The following FBXL7 variants were observed in gnomAD, a reference collection of about 807,000 sequenced individuals.
FBXL7 encodes F-box/LRR-repeat protein 7.
In FBXL7, 12 loss-of-function variants were observed where a neutral mutation model predicts 38.3. The ratio of observed to expected loss-of-function variants is 0.31; its 90% CI spans 0.20 to 0.51. The LOEUF is 0.51. Ranked by LOEUF, FBXL7 falls within the 20% of genes least tolerant of loss-of-function variation. The pLI, the probability that FBXL7 is intolerant of heterozygous loss-of-function variation, is 0.98. For synonymous variants in FBXL7, 297 were observed against 300.9 expected (o/e 0.99, Z 0.13); for missense variants, 567 against 676.4 (o/e 0.84, Z 1.79).
intron 1 of FBXL7, among the ~76,000 whole-genome samples, chr5:15,536,840 G>A (rs1030783295): frequency 2.0e-5 from 3 of 152,022 alleles, no homozygotes; most frequent in African/African-American, 7.3e-5. Flanking sequence ...GAGGGGCCAA[G>A]GGCAGAGTGA....
chr5:15,739,148 A>G, intron 2 of FBXL7, among the ~76,000 whole-genome samples: 1 of 152,148 alleles, frequency 6.6e-6, no homozygotes, highest in East Asian at 1.9e-4. Context: ...GCATCTTGGC[A>G]TCCACTTCAG....
intron 2 of FBXL7, among the ~76,000 whole-genome samples, chr5:15,715,489 C>CAAA (rs1157372026): frequency 9.9e-4 from 74 of 75,098 alleles, no homozygotes; most frequent in African/African-American, 2.3e-3. Context: ...GACTCCGTCT[C>CAAA]AAAAAAAAAA....
chr5:15,924,632 C>CTTT (rs34865383), intron 2 of FBXL7, among the ~76,000 whole-genome samples: 15 of 120,034 alleles, frequency 1.2e-4, no homozygotes, highest in East Asian at 2.4e-4. Context: ...TCTCATTATT[C>CTTT]TTTTTTTTTT....
At chr5:15,518,913 G>A (rs1384263190) in intron 1 of FBXL7, among the ~76,000 whole-genome samples, 1 of 152,036 alleles carries the variant, frequency 6.6e-6, no homozygotes, top group Non-Finnish European at 1.5e-5. Flanking sequence ...GCGCTTGTTT[G>A]GCCCGCCCAC....
chr5:15,762,769 A>G (rs1230471457), intron 2 of FBXL7, among the ~76,000 whole-genome samples: 6 of 152,246 alleles, frequency 3.9e-5, no homozygotes, highest in African/African-American at 9.6e-5. Flanking sequence ...CTTGTTTATA[A>G]GTAATTTTTA....
chr5:15,705,024 G>A (rs1362514362), intron 2 of FBXL7, among the ~76,000 whole-genome samples: 1 of 151,606 alleles, frequency 6.6e-6, no homozygotes, highest in Non-Finnish European at 1.5e-5. Flanking sequence ...CGTTTAAAAT[G>A]GCTTGAAAGA....
chr5:15,540,707 A>G (rs1364154872), intron 1 of FBXL7, among the ~76,000 whole-genome samples: 1 of 152,146 alleles, frequency 6.6e-6, no homozygotes, highest in Non-Finnish European at 1.5e-5. Flanking sequence ...AGATCAGGGA[A>G]CCAGCGTGGT....
At chr5:15,840,987 A>T (rs1048167269) in intron 2 of FBXL7, among the ~76,000 whole-genome samples, 8 of 152,126 alleles carry the variant, frequency 5.3e-5, no homozygotes, top group African/African-American at 1.2e-4. Context: ...ATTAAGGCCT[A>T]TAGCAATGTC....
chr5:15,859,487 T>C (rs550281488), intron 2 of FBXL7, among the ~76,000 whole-genome samples: 56 of 152,218 alleles, frequency 3.7e-4, no homozygotes, highest in Non-Finnish European at 6.5e-4. Context: ...ACAAGGTAAC[T>C]GATAAAGGAA....
intron 2 of FBXL7, among the ~76,000 whole-genome samples, chr5:15,894,947 T>C (rs1308048453): frequency 6.6e-6 from 1 of 152,204 alleles, no homozygotes; most frequent in Non-Finnish European, 1.5e-5. Flanking sequence ...AAAATAAGCC[T>C]TCCAAACAGT....
chr5:15,826,665 C>A (rs539605693), intron 2 of FBXL7, among the ~76,000 whole-genome samples: 3 of 152,180 alleles, frequency 2.0e-5, no homozygotes, highest in African/African-American at 7.2e-5. Context: ...GTGATCTGCC[C>A]ACCTCAGTCT....
intron 1 of FBXL7, among the ~76,000 whole-genome samples, chr5:15,612,984 T>C (rs1236901038): frequency 6.6e-6 from 1 of 152,244 alleles, no homozygotes; most frequent in Non-Finnish European, 1.5e-5. Context: ...TGTTTTTGCA[T>C]TTAATTTGTT....
chr5:15,818,774 G>A (rs979678650), intron 2 of FBXL7, among the ~76,000 whole-genome samples: 2 of 149,710 alleles, frequency 1.3e-5, no homozygotes. Context: ...ATTCCCATGG[G>A]ATAAATTATA....
chr5:15,769,698 A>G (rs556315156), intron 2 of FBXL7, among the ~76,000 whole-genome samples: 1 of 151,282 alleles, frequency 6.6e-6, no homozygotes, highest in Non-Finnish European at 1.5e-5. Context: ...AGATATGACA[A>G]ATAAATTCAG....
chr5:15,767,998 T>C (rs1320251304), intron 2 of FBXL7, among the ~76,000 whole-genome samples: 1 of 152,236 alleles, frequency 6.6e-6, no homozygotes, highest in Non-Finnish European at 1.5e-5. Flanking sequence ...GTCATGATTT[T>C]ATCTCTTCAA....
intron 2 of FBXL7, among the ~76,000 whole-genome samples, chr5:15,667,635 C>T (rs1185037444): frequency 6.6e-6 from 1 of 152,120 alleles, no homozygotes; most frequent in Non-Finnish European, 1.5e-5. Flanking sequence ...AGCAGTATAG[C>T]TGCTAATTCT....
intron 1 of FBXL7, among the ~76,000 whole-genome samples, chr5:15,608,116 TTATC>T (rs566485515): frequency 1.2e-4 from 18 of 152,308 alleles, no homozygotes; most frequent in Non-Finnish European, 2.5e-4. Context: ...ATTTTATCAT[TTATC>T]TAATAGTAAA....
At chr5:15,786,743 G>A (rs1318493936) in intron 2 of FBXL7, among the ~76,000 whole-genome samples, 4 of 152,150 alleles carry the variant, frequency 2.6e-5, no homozygotes, top group Admixed American at 6.5e-5. Context: ...TGTATAATAC[G>A]TAATGGACTT....
chr5:15,756,110 C>T (rs1398990180), intron 2 of FBXL7, among the ~76,000 whole-genome samples: 3 of 152,164 alleles, frequency 2.0e-5, no homozygotes, highest in Non-Finnish European at 4.4e-5. Context: ...AGCCTGAAAG[C>T]AGTTCAATCT....
Sources: allele counts gnomAD v4.1 joint callset (sites outside exome capture counted in the v4.1 genomes callset), GRCh38; gene constraint gnomAD v4.1.1; transcripts MANE v1.5; gene names NCBI Gene and HGNC (gene_info 2026-07-23, HGNC 2026-07-21).